ZMYND11: variants seen among roughly 807,000 people sequenced by gnomAD.
ZMYND11 encodes the protein zinc finger MYND-type containing 11.
ZMYND11 carries 9 observed loss-of-function variants against 84.9 expected under a neutral mutation model. The observed-to-expected ratio is 0.11, with a 90% CI of 0.06 to 0.18. ZMYND11 has a LOEUF of 0.18. Ranked by LOEUF, ZMYND11 falls within the 10% of genes least tolerant of loss-of-function variation. The pLI is 1.00. For missense variants in ZMYND11, 409 were observed against 761.0 expected (o/e 0.54, Z 5.44); for synonymous variants, 250 against 244.1 (o/e 1.02, Z -0.23).
chr10:236,742 C>A, intron 4 of ZMYND11, 96 bp from the exon 5 acceptor site: 1 of 1,019,934 alleles, frequency 9.8e-7, no homozygotes, highest in Non-Finnish European at 1.4e-6. Context: ...AAACTCTTTG[C>A]ATACTATCTA....
At chr10:247,038 A>C in intron 11 of ZMYND11, 65 bp downstream of exon 11, 1 of 1,417,204 alleles carries the variant, frequency 7.1e-7, no homozygotes, top group Non-Finnish European at 9.7e-7. Flanking sequence ...ATCTTAGTGC[A>C]CACTCCTCAC....
intron 1 of ZMYND11, among the ~76,000 whole-genome samples, chr10:139,951 C>T (rs1837116078): frequency 1.3e-5 from 2 of 152,078 alleles, no homozygotes; most frequent in South Asian, 4.2e-4. Flanking sequence ...GGTGATCTGC[C>T]CATCTTGGCC....
intron 2 of ZMYND11, among the ~76,000 whole-genome samples, chr10:205,704 A>G (rs534876799): frequency 6.6e-6 from 1 of 151,764 alleles, no homozygotes; most frequent in East Asian, 1.9e-4. Flanking sequence ...ATAAAAAATA[A>G]AAAAAAAGGA....
chr10:210,306 G>A (rs1158551720), intron 3 of ZMYND11, among the ~76,000 whole-genome samples: 1 of 152,190 alleles, frequency 6.6e-6, no homozygotes, highest in Non-Finnish European at 1.5e-5. Flanking sequence ...CTCTTTTGAT[G>A]TACCCACACT....
intron 4 of ZMYND11, among the ~76,000 whole-genome samples, chr10:222,294 T>C (rs966261414): frequency 2.9e-4 from 44 of 152,344 alleles, no homozygotes; most frequent in African/African-American, 9.4e-4. Context: ...CTACAGTATA[T>C]GTTCTAGTCT....
intron 1 of ZMYND11, among the ~76,000 whole-genome samples, chr10:178,555 A>G (rs967044900): frequency 2.0e-5 from 3 of 152,184 alleles, no homozygotes; most frequent in Non-Finnish European, 4.4e-5. Flanking sequence ...AAAAGTGATT[A>G]CTGTCTAAAA....
chr10:168,447 T>C (rs1174945369), intron 1 of ZMYND11, among the ~76,000 whole-genome samples: 1 of 152,082 alleles, frequency 6.6e-6, no homozygotes, highest in East Asian at 1.9e-4. Context: ...CTCTGTCTCT[T>C]AAAAGAAAAT....
chr10:201,005 G>C (rs1943045869), intron 2 of ZMYND11, among the ~76,000 whole-genome samples: 1 of 151,846 alleles, frequency 6.6e-6, no homozygotes, highest in South Asian at 2.1e-4. Flanking sequence ...CAGGTATTTT[G>C]CATCTCCTCC....
intron 2 of ZMYND11, chr10:198,071 T>A (rs1942240115): frequency 6.2e-6 from 3 of 485,836 alleles, no homozygotes; most frequent in Admixed American, 3.7e-5. Context: ...GTAAAAAGAT[T>A]CAAGCAAGCT....
chr10:160,831 C>T (rs1842785903), intron 1 of ZMYND11, among the ~76,000 whole-genome samples: 1 of 152,106 alleles, frequency 6.6e-6, no homozygotes, highest in African/African-American at 2.4e-5. Flanking sequence ...TTCTAGGGCT[C>T]CTCCCATTTC....
chr10:197,808 A>G, intron 2 of ZMYND11: 1 of 382,572 alleles, frequency 2.6e-6, no homozygotes, highest in Non-Finnish European at 4.7e-6. Flanking sequence ...TGTTATTGTT[A>G]TGTAATAAAC....
intron 4 of ZMYND11, among the ~76,000 whole-genome samples, chr10:233,294 G>GTCT (rs1949334104): frequency 3.3e-5 from 5 of 152,282 alleles, no homozygotes; most frequent in Middle Eastern, 3.4e-3. Context: ...GGCGTGCACT[G>GTCT]GTGCAGCCAA....
intron 2 of ZMYND11, among the ~76,000 whole-genome samples, chr10:199,033 T>C (rs1391171538): frequency 6.6e-6 from 1 of 152,192 alleles, no homozygotes; most frequent in Non-Finnish European, 1.5e-5. Context: ...TGCACCTGAA[T>C]TACAGTTTTT....
In ZMYND11 at chr10:167,258, C is replaced by T. The variant is rs143856071; in HGVS notation, c.-19-12736C>T. Among the ~76,000 whole-genome samples the T allele has an allele frequency of 2.5e-3, 380 of 152,080 alleles. 2 individuals are homozygous for T. Among genetic ancestry groups the T allele is most frequent in the African/African-American group, 8.3e-3 (343 of 41,498 alleles). On this transcript the variant is annotated intron_variant, in intron 1 of 14. Transcript: ENST00000381604. The stretch of plus-strand genomic sequence containing the variant: ...GCAAATTCTATATTAATATATATTT[C>T]GCTACAGTTTTAAAAATAAATAATA...
At chr10:221,966 A>G (rs1277862286) in intron 4 of ZMYND11, among the ~76,000 whole-genome samples, 2 of 152,154 alleles carry the variant, frequency 1.3e-5, no homozygotes, top group African/African-American at 2.4e-5. Context: ...CCACTGAGGA[A>G]TATACATACT....
At chr10:214,088 T>C (rs1945750650) in intron 3 of ZMYND11, among the ~76,000 whole-genome samples, 1 of 152,134 alleles carries the variant, frequency 6.6e-6, no homozygotes, top group South Asian at 2.1e-4. Context: ...ATTTTAGGCA[T>C]TTTGGGATGC....
rs187529815 is a variant in ZMYND11, at chr10:184,094, G to C, written c.116+3966G>C. Reference sequence around the variant, plus strand: ...TTCCATTGAACTTTGTGGCTACTGGGTTTTATTTACTTAACTCTTCTATCT... The same window carrying C: ...TTCCATTGAACTTTGTGGCTACTGGCTTTTATTTACTTAACTCTTCTATCT... On this transcript the variant is annotated intron_variant, in intron 2 of 14. Transcript: ENST00000381604. 3.5e-3 allele frequency among the ~76,000 whole-genome samples: 527 copies of C among 152,200 alleles called. 3 individuals carry two copies. Among genetic ancestry groups the C allele is most frequent in the African/African-American group, 0.012 (505 of 41,528 alleles).
Position 210,056 on chromosome 10 carries a change from C to T in ZMYND11, c.276+8C>T, listed in dbSNP as rs1944911148. ...TTGCCAGGAGATGAGATTGTAAGTA[C>T]ATTTTATTTGATAAACATAGAGATG... On this transcript the variant is annotated splice_region_variant and intron_variant, in intron 3 of 14. Transcript: ENST00000381604. 1 of 1,613,554 alleles carries T rather than the reference C, an allele frequency of 6.2e-7. No homozygotes were observed. Among genetic ancestry groups the T allele is most frequent in the Non-Finnish European group, 8.5e-7 (1 of 1,179,628 alleles).
intron 2 of ZMYND11, among the ~76,000 whole-genome samples, chr10:182,853 T>C (rs1454465112): frequency 6.6e-6 from 1 of 152,216 alleles, no homozygotes; most frequent in Non-Finnish European, 1.5e-5. Flanking sequence ...ACTCCTATTC[T>C]GTACTCTCGG....
Sources: gnomAD v4.1 joint callset for allele counts (sites outside exome capture counted in the v4.1 genomes callset) on GRCh38, gnomAD v4.1.1 for gene constraint, MANE v1.5 for transcripts, NCBI Gene and HGNC (gene_info 2026-07-23, HGNC 2026-07-21) for gene names.